Variants in SMAP1 observed in about 807,000 individuals in gnomAD.
The protein encoded by SMAP1 is small ArfGAP 1.
In SMAP1, 24 loss-of-function variants were observed where a neutral mutation model predicts 58.5. That is an observed-to-expected ratio of 0.41 (90% CI 0.30 to 0.58). The LOEUF is 0.58. Among genes scored for constraint, SMAP1 ranks in the 20% least tolerant of loss-of-function variants. The pLI, the probability that SMAP1 is intolerant of heterozygous loss-of-function variation, is 0.29. For synonymous variants in SMAP1, 216 were observed against 196.6 expected, an observed-to-expected ratio of 1.10 and a Z score of -0.82; for missense variants, 563 against 566.3, an observed-to-expected ratio of 0.99 and a Z score of 0.06.
intron 1 of SMAP1, among the ~76,000 whole-genome samples, chr6:70,704,273 T>C (rs1269600698): frequency 1.3e-5 from 2 of 152,228 alleles, no homozygotes; most frequent in African/African-American, 4.8e-5. Context: ...TTACTAGTAC[T>C]CTTCTGTTCC....
chr6:70,855,058 A>ATATACGTATACG (rs1554210646), intron 8 of SMAP1, among the ~76,000 whole-genome samples: 2 of 146,382 alleles, frequency 1.4e-5, no homozygotes, highest in East Asian at 4.1e-4. Flanking sequence ...TTTCATATAC[A>ATATACGTATACG]TATACATATA....
Position 70,856,875 on chromosome 6 carries a change from C to T in SMAP1, c.806C>T (p.Pro269Leu). 1 of 1,612,140 alleles carries T rather than the reference C, an allele frequency of 6.2e-7. No homozygotes were observed. ...MPPAQGTPSA[P>L]AAATLSTVTS... is the part of the protein sequence containing the mutation. The stretch of plus-strand genomic sequence containing the variant: ...TTGTCTCAGGGGACACCCTCTGCAC[C>T]AGCAGCTGCAACCCTGTCTACAGTA... Residue 269 changes from proline to leucine, a missense_variant, in exon 9 of 11, where the codon CCA (proline) becomes CTA (leucine). Physicochemically the swap from Pro to Leu is moderately conservative, Grantham distance 98 (BLOSUM62 -3). This residue lies in a region of SMAP1 where 494 missense variants were observed against 473.8 expected (regional missense o/e 1.04). Coordinates refer to ENST00000370455, the MANE Select transcript of SMAP1 (RefSeq NM_001044305.3).
chr6:70,831,123 C>G (rs1249599363), intron 6 of SMAP1, among the ~76,000 whole-genome samples: 6 of 152,116 alleles, frequency 3.9e-5, no homozygotes, highest in African/African-American at 1.4e-4. Flanking sequence ...CTTCCTAGTC[C>G]AATAGCTGAG....
chr6:70,720,321 A>G (rs1265097052), intron 1 of SMAP1, among the ~76,000 whole-genome samples: 1 of 152,172 alleles, frequency 6.6e-6, no homozygotes, highest in African/African-American at 2.4e-5. Context: ...GTGGGTTCCC[A>G]TGGTCTTGGG....
In SMAP1 at chr6:70,748,263, A is replaced by G. The variant is rs548150789; in HGVS notation, c.253-6717A>G. ...CTAAAAATATTCATTTTTCTTTATAAAAGTTTTTAAAAATATGTATATTTA... is the reference window on the plus strand; with the variant it reads ...CTAAAAATATTCATTTTTCTTTATAGAAGTTTTTAAAAATATGTATATTTA... On this transcript the variant is annotated intron_variant, in intron 2 of 10. Transcript: ENST00000370455. Among the ~76,000 whole-genome samples, 75 of 152,270 alleles carry G rather than the reference A, an allele frequency of 4.9e-4. 1 individual carries two copies. The highest frequency in any genetic ancestry group is 1.2e-3 in the South Asian group (6 of 4,818).
chr6:70,668,425 C>T, intron 1 of SMAP1: 1 of 1,202,356 alleles, frequency 8.3e-7, no homozygotes, highest in Non-Finnish European at 1.1e-6. Context: ...TGCTCGGACC[C>T]TCCACAGGGC....
At chr6:70,678,614 G>T (rs1246942319) in intron 1 of SMAP1, among the ~76,000 whole-genome samples, 1 of 152,156 alleles carries the variant, frequency 6.6e-6, no homozygotes, top group Non-Finnish European at 1.5e-5. Context: ...TATCATTTTA[G>T]CAGGTTTGCA....
chr6:70,783,836 T>C (rs1220796091), intron 4 of SMAP1, among the ~76,000 whole-genome samples: 2 of 152,202 alleles, frequency 1.3e-5, no homozygotes, highest in African/African-American at 2.4e-5. Flanking sequence ...TTGGTGTACC[T>C]GAAAGTGACG....
At chr6:70,764,823 A>G (rs1246326560) in intron 3 of SMAP1, among the ~76,000 whole-genome samples, 2 of 152,052 alleles carry the variant, frequency 1.3e-5, no homozygotes, top group Middle Eastern at 3.4e-3. Context: ...TTTTTTTGAC[A>G]GGGTCTCACT....
chr6:70,787,983 A>C (rs1285346277), intron 4 of SMAP1, among the ~76,000 whole-genome samples: 1 of 152,178 alleles, frequency 6.6e-6, no homozygotes, highest in Non-Finnish European at 1.5e-5. Flanking sequence ...TCGTGCTACT[A>C]TAAAGACACG....
At chr6:70,715,666 T>C (rs1436415355) in intron 1 of SMAP1, among the ~76,000 whole-genome samples, 2 of 152,102 alleles carry the variant, frequency 1.3e-5, no homozygotes, top group Admixed American at 1.3e-4. Context: ...TGGAGTAGGG[T>C]AGGTGGGAGA....
intron 2 of SMAP1, among the ~76,000 whole-genome samples, chr6:70,747,564 G>T (rs1438645715): frequency 6.6e-6 from 1 of 152,174 alleles, no homozygotes; most frequent in African/African-American, 2.4e-5. Flanking sequence ...CAGTGGACTT[G>T]ATAAACAGGA....
intron 1 of SMAP1, among the ~76,000 whole-genome samples, chr6:70,729,955 A>G (rs1765359283): frequency 6.6e-6 from 1 of 152,170 alleles, no homozygotes; most frequent in African/African-American, 2.4e-5. Context: ...GGGGTCACAG[A>G]ATTAAGAGTC....
chr6:70,671,890 C>G (rs1372843111), intron 1 of SMAP1, among the ~76,000 whole-genome samples: 1 of 152,170 alleles, frequency 6.6e-6, no homozygotes, highest in African/African-American at 2.4e-5. Context: ...CTGTTTCCAT[C>G]TTTTGCTAGG....
chr6:70,807,887 T>G (rs888677080), intron 6 of SMAP1, among the ~76,000 whole-genome samples: 1 of 152,020 alleles, frequency 6.6e-6, no homozygotes, highest in Non-Finnish European at 1.5e-5. Context: ...TGACCACTAA[T>G]AGCCTACTGT....
chr6:70,756,332 G>A (rs10945244), intron 3 of SMAP1, among the ~76,000 whole-genome samples: 66,079 of 151,846 alleles, frequency 0.44, 14,732 homozygotes, highest in South Asian at 0.5. Context: ...GTCATTATAT[G>A]TTTATTTCCA....
intron 4 of SMAP1, among the ~76,000 whole-genome samples, chr6:70,781,930 C>A (rs915153889): frequency 5.3e-5 from 8 of 152,074 alleles, no homozygotes; most frequent in Admixed American, 5.2e-4. Flanking sequence ...TAGAGAAGAA[C>A]GTCTGAGCTT....
chr6:70,682,244 A>G (rs1284544752), intron 1 of SMAP1, among the ~76,000 whole-genome samples: 2 of 130,598 alleles, frequency 1.5e-5, no homozygotes, highest in East Asian at 4.6e-4. Context: ...GCTCAAGTGC[A>G]GTGGGGCTAT....
chr6:70,691,943 G>A (rs1400238746), intron 1 of SMAP1, among the ~76,000 whole-genome samples: 1 of 152,158 alleles, frequency 6.6e-6, no homozygotes, highest in African/African-American at 2.4e-5. Context: ...TATCTCTTCA[G>A]TATAATTATT....
Sources: allele counts gnomAD v4.1 joint callset (sites outside exome capture counted in the v4.1 genomes callset), GRCh38; gene constraint gnomAD v4.1.1; regional missense constraint gnomAD v4.1.1; transcripts MANE v1.5; gene names NCBI Gene and HGNC (gene_info 2026-07-23, HGNC 2026-07-21).